The following CILK1 variants were observed in gnomAD, a reference collection of about 807,000 sequenced individuals.
CILK1 encodes serine/threonine-protein kinase ICK.
A neutral mutation model predicts 79.2 loss-of-function variants in CILK1; 47 were observed. That is an observed-to-expected ratio of 0.59 (90% CI 0.47 to 0.76). CILK1 has a LOEUF of 0.76. CILK1 is among the 30% of genes least tolerant of loss of function. The pLI is 0.00. For synonymous variants in CILK1, 266 were observed against 275.9 expected (o/e 0.96, Z 0.36); for missense variants, 660 against 769.5 (o/e 0.86, Z 1.68).
chr6:53,044,097 A>G (rs1287038794), intron 1 of CILK1, among the ~76,000 whole-genome samples: 1 of 152,068 alleles, frequency 6.6e-6, no homozygotes, highest in Admixed American at 6.5e-5. Flanking sequence ...ACAGGTTTTG[A>G]CTGGATTCTG....
At chr6:53,049,608 A>G (rs1285860887) in intron 1 of CILK1, among the ~76,000 whole-genome samples, 1 of 152,234 alleles carries the variant, frequency 6.6e-6, no homozygotes, top group African/African-American at 2.4e-5. Flanking sequence ...TCCACTTTGC[A>G]TGACAAGTGG....
At chr6:53,026,918 G>A (rs1765617569) in intron 5 of CILK1, among the ~76,000 whole-genome samples, 1 of 152,170 alleles carries the variant, frequency 6.6e-6, no homozygotes, top group Non-Finnish European at 1.5e-5. Context: ...GAAAATGTGT[G>A]TGCTTACTTT....
At position 53,007,429 on chromosome 6, in the gene CILK1, G is replaced by A. The variant is rs531674475; in HGVS notation, c.1622-992C>T. On this transcript the variant is annotated intron_variant, in intron 12 of 13. Coordinates refer to ENST00000676107, the MANE Select transcript of CILK1 (RefSeq NM_014920.5). ...AAAAACTTATAGTCAATAAACACAA[G>A]AAAAGATGATGAACCTCATTAGTAA... Among the ~76,000 whole-genome samples the A allele has an allele frequency of 2.8e-3, 431 of 152,268 alleles. 2 individuals are homozygous for A. Among genetic ancestry groups the A allele is most frequent in the Non-Finnish European group, 4.7e-3 (321 of 68,024 alleles).
intron 3 of CILK1, among the ~76,000 whole-genome samples, chr6:53,035,756 T>G (rs1766288688): frequency 6.6e-6 from 1 of 152,102 alleles, no homozygotes; most frequent in African/African-American, 2.4e-5. Flanking sequence ...GAAACGACAG[T>G]GATAAGAGGC....
At chr6:53,047,553 C>T (rs1482674178) in intron 1 of CILK1, among the ~76,000 whole-genome samples, 2 of 120,848 alleles carry the variant, frequency 1.7e-5, no homozygotes, top group Non-Finnish European at 3.2e-5. Context: ...TCAAGCAATT[C>T]TCCCACTTTG....
intron 1 of CILK1, among the ~76,000 whole-genome samples, chr6:53,057,190 C>G (rs534889262): frequency 6.6e-6 from 1 of 152,130 alleles, no homozygotes; most frequent in Non-Finnish European, 1.5e-5. Flanking sequence ...CTTTCCTTTC[C>G]GGTTCTCAGG....
In CILK1 at chr6:53,003,750, T is replaced by G. The variant is rs1764059138; in HGVS notation, c.*1399A>C. On this transcript the variant is annotated 3_prime_UTR_variant, in exon 14 of 14. Transcript: ENST00000676107. ...AAAAAAATAAAAAATAAAAGATTAC[T>G]TACATATGGTTCAATTTGTCATTAT... 6.6e-6 allele frequency: 1 copy of G among 152,428 alleles called. No homozygotes were observed. Among genetic ancestry groups the G allele is most frequent in the African/African-American group, 2.4e-5 (1 of 41,422 alleles). The allele number at this position is 152,428 out of a possible 1,614,324, so 9.4% of individuals were successfully genotyped here.
chr6:53,011,886 C>T lies in CILK1; in HGVS notation c.1375G>A (p.Glu459Lys). The T allele has an allele frequency of 1.2e-6, 2 of 1,614,168 alleles. No individual in the cohort carries two copies. The highest frequency in any genetic ancestry group is 1.7e-6 in the Non-Finnish European group (2 of 1,180,042). Residue 459 changes from glutamate (E) to lysine (K), a missense_variant, in exon 11 of 14, where the codon GAG (glutamate) becomes AAG (lysine). By Grantham distance (56) the Glu-to-Lys change is moderately conservative. Transcript: ENST00000676107. ...FESVLDLKPS[E>K]PVGTGNSAPT... Reference sequence around the variant, plus strand: ...GCACTGTTTCCTGTGCCCACAGGCTCAGAGGGCTTCAGGTCCAAAACACTC... The same window carrying T: ...GCACTGTTTCCTGTGCCCACAGGCTTAGAGGGCTTCAGGTCCAAAACACTC...
chr6:53,041,978 T>C (rs1465296950), intron 1 of CILK1, among the ~76,000 whole-genome samples: 2 of 152,214 alleles, frequency 1.3e-5, no homozygotes, highest in Admixed American at 1.3e-4. Flanking sequence ...TTCAAAGTGT[T>C]TTAGTCTTTA....
chr6:53,050,409 G>T (rs912984414), intron 1 of CILK1, among the ~76,000 whole-genome samples: 5 of 151,104 alleles, frequency 3.3e-5, no homozygotes, highest in Non-Finnish European at 5.9e-5. Context: ...TGGTTGTGAG[G>T]TTTACTTGCA....
chr6:53,047,493 G>A (rs1767166055), intron 1 of CILK1, among the ~76,000 whole-genome samples: 1 of 123,004 alleles, frequency 8.1e-6, no homozygotes, highest in East Asian at 2.5e-4. Flanking sequence ...TTTAAGAGAT[G>A]AGGTCTCTTT....
intron 1 of CILK1, among the ~76,000 whole-genome samples, chr6:53,055,776 C>A (rs550211332): frequency 1.3e-5 from 2 of 152,126 alleles, no homozygotes; most frequent in Non-Finnish European, 2.9e-5. Flanking sequence ...TAAAAAAGTT[C>A]TTCAATCACT....
Position 53,019,264 on chromosome 6 carries a change from A to G in CILK1, c.454T>C (p.Ser152Pro). 6.2e-7 allele frequency: 1 copy of G among 1,614,044 alleles called. No individual in the cohort carries two copies. The highest frequency in any genetic ancestry group is 8.5e-7 in the Non-Finnish European group (1 of 1,179,952). Residue 152 changes from serine to proline, a missense_variant, in exon 6 of 14, where the codon TCA becomes CCA. Ser to Pro is a moderately conservative substitution (Grantham distance 74). Transcript: ENST00000676107. ...ACATAATCTGTATATGGAGGTTTTG[A>G]TCGTATTTCTCGGGCCAAACCAAAG... The part of the protein sequence containing the change: ...ADFGLAREIR[S>P]KPPYTDYVST...
intron 4 of CILK1, among the ~76,000 whole-genome samples, chr6:53,032,312 A>G (rs1309269224): frequency 6.6e-6 from 1 of 152,162 alleles, no homozygotes; most frequent in Admixed American, 6.5e-5. Context: ...ATGCAATAAG[A>G]AAAGAAAAGC....
intron 3 of CILK1, 144 bp from the exon 4 acceptor site, chr6:53,032,798 G>A (rs1041790893): frequency 2.6e-5 from 15 of 584,084 alleles, no homozygotes; most frequent in Non-Finnish European, 4.1e-5. Context: ...TTTATTGACA[G>A]TTTAATAGTA....
intron 5 of CILK1, among the ~76,000 whole-genome samples, chr6:53,024,566 T>C (rs1385209406): frequency 6.6e-6 from 1 of 152,210 alleles, no homozygotes; most frequent in Non-Finnish European, 1.5e-5. Context: ...CAAGCAGTGA[T>C]TACAGTGATC....
intron 1 of CILK1, among the ~76,000 whole-genome samples, chr6:53,054,859 A>G (rs912460316): frequency 2.6e-5 from 4 of 152,228 alleles, no homozygotes; most frequent in Non-Finnish European, 5.9e-5. Flanking sequence ...GTGGAGGCAA[A>G]GAACATTTGC....
Position 53,004,449 on chromosome 6 carries a change from C to T in CILK1, c.*700G>A, listed in dbSNP as rs1390375436. 6.6e-6 allele frequency: 1 copy of T among 152,118 alleles called. No individual in the cohort carries two copies. Among genetic ancestry groups the T allele is most frequent in the Admixed American group, 6.5e-5 (1 of 15,276 alleles). 9.4% of individuals were successfully genotyped at this position (152,118 alleles called of 1,614,324 possible). The stretch of plus-strand genomic sequence containing the variant: ...GCTTGGTTTCATCTGAGATCTGCAA[C>T]CACATTAAAGGGTGTCAGAAAAATT... On this transcript the variant is annotated 3_prime_UTR_variant, in exon 14 of 14. Coordinates refer to ENST00000676107, the MANE Select transcript of CILK1 (RefSeq NM_014920.5).
At chr6:53,047,706 T>A (rs142805165) in intron 1 of CILK1, among the ~76,000 whole-genome samples, 1 of 152,022 alleles carries the variant, frequency 6.6e-6, no homozygotes, top group Admixed American at 6.5e-5. Context: ...ACTACATAGA[T>A]GTTAGAATAG....
Sources: gnomAD v4.1 joint callset for allele counts (sites outside exome capture counted in the v4.1 genomes callset) on GRCh38, gnomAD v4.1.1 for gene constraint, MANE v1.5 for transcripts, NCBI Gene and HGNC (gene_info 2026-07-23, HGNC 2026-07-21) for gene names.